Variants in KIAA0513 observed in about 807,000 individuals in gnomAD.
KIAA0513 encodes uncharacterized protein KIAA0513.
Under a neutral mutation model 56.5 loss-of-function variants are expected in KIAA0513, and 39 were observed. The ratio of observed to expected loss-of-function variants is 0.69; its 90% CI spans 0.53 to 0.90. The LOEUF (loss-of-function observed/expected upper bound fraction) is 0.90, where lower values mean the gene tolerates loss of function less well. KIAA0513 is among the 40% of genes least tolerant of loss of function. The probability of loss-of-function intolerance (pLI) is 0.00; values close to 1 mark genes in which losing one functional copy is unlikely to be tolerated. For synonymous variants in KIAA0513, 268 were observed against 215.6 expected (o/e 1.24, Z -2.13); for missense variants, 591 against 535.2 (o/e 1.10, Z -1.03).
intron 2 of KIAA0513, 51 bp from the exon 3 acceptor site, chr16:85,071,732 A>AT (rs754099611): frequency 2.2e-6 from 3 of 1,383,660 alleles, no homozygotes; most frequent in Non-Finnish European, 2.9e-6. Context: ...GCTCCAGGGG[A>AT]TTGAAAAGGG....
chr16:85,067,011 G>C lies in KIAA0513; in HGVS notation c.-61G>C. ...ACTAACGCACCTGGGACACCAGGCTGCTGGGCTCCCCTCTAGGCAGCCTCC... is the reference window on the plus strand; with the variant it reads ...ACTAACGCACCTGGGACACCAGGCTCCTGGGCTCCCCTCTAGGCAGCCTCC... On this transcript the variant is annotated 5_prime_UTR_variant, in exon 2 of 13. Coordinates refer to ENST00000683363, the MANE Select transcript of KIAA0513 (RefSeq NM_001388359.1). The C allele has an allele frequency of 7.0e-7, 1 of 1,438,562 alleles. No homozygotes were observed. The highest frequency in any genetic ancestry group is 9.3e-7 in the Non-Finnish European group (1 of 1,077,746). The allele number at this position is 1,438,562 out of a possible 1,614,324, so 89.1% of individuals were successfully genotyped here. A position where few individuals can be genotyped will look rare whatever the true frequency, so the allele number is the denominator to read the frequency against.
At chr16:85,080,992 C>T (rs1247804438) in intron 8 of KIAA0513, among the ~76,000 whole-genome samples, 2 of 152,168 alleles carry the variant, frequency 1.3e-5, no homozygotes, top group South Asian at 2.1e-4. Flanking sequence ...GAAAACGACC[C>T]ACCTCCGTGT....
intron 8 of KIAA0513, among the ~76,000 whole-genome samples, chr16:85,080,741 C>T (rs937588370): frequency 1.3e-5 from 2 of 152,100 alleles, no homozygotes; most frequent in Non-Finnish European, 2.9e-5. Context: ...TGCAGTGAGC[C>T]GAGATTGTGC....
intron 1 of KIAA0513, among the ~76,000 whole-genome samples, chr16:85,031,779 T>A (rs2072968194): frequency 1.3e-5 from 2 of 152,164 alleles, no homozygotes; most frequent in South Asian, 4.1e-4. Context: ...TCCCTAATAG[T>A]CAAAATAATG....
intron 1 of KIAA0513, among the ~76,000 whole-genome samples, chr16:85,061,913 G>A (rs968391963): frequency 5.9e-5 from 9 of 152,146 alleles, no homozygotes; most frequent in African/African-American, 2.2e-4. Flanking sequence ...TGGCTCCCCG[G>A]CCTCATTGGC....
intron 6 of KIAA0513, 145 bp from the exon 7 acceptor site, chr16:85,078,270 T>C (rs1275122930): frequency 6.7e-6 from 5 of 751,148 alleles, no homozygotes; most frequent in Non-Finnish European, 1.1e-5. Context: ...AGTTGACAAA[T>C]AGAGCCTTGA....
chr16:85,049,086 C>T (rs891252306), intron 1 of KIAA0513, among the ~76,000 whole-genome samples: 4 of 152,270 alleles, frequency 2.6e-5, no homozygotes, highest in African/African-American at 9.6e-5. Context: ...CATGTCCCCT[C>T]TGTCTTAGCT....
At chr16:85,050,244 G>A (rs145390897) in intron 1 of KIAA0513, among the ~76,000 whole-genome samples, 3 of 152,214 alleles carry the variant, frequency 2.0e-5, no homozygotes, top group Non-Finnish European at 4.4e-5. Flanking sequence ...CTTGTGTGAG[G>A]TGACTTGAGT....
chr16:85,088,220 A>C, intron 12 of KIAA0513, 56 bp from the exon 13 acceptor site: 3 of 1,510,050 alleles, frequency 2.0e-6, no homozygotes, highest in Non-Finnish European at 2.8e-6. Flanking sequence ...AGAGCAGGAT[A>C]TACCTGTCCC....
At chr16:85,051,062 T>C (rs901965712) in intron 1 of KIAA0513, among the ~76,000 whole-genome samples, 2 of 152,042 alleles carry the variant, frequency 1.3e-5, no homozygotes, top group Admixed American at 6.6e-5. Context: ...GGAGGATCAC[T>C]TGAGCCTAGG....
At chr16:85,075,569 G>T (rs1416251875) in intron 4 of KIAA0513, among the ~76,000 whole-genome samples, 1 of 152,174 alleles carries the variant, frequency 6.6e-6, no homozygotes, top group Non-Finnish European at 1.5e-5. Context: ...CTGCTCCTGG[G>T]CGTCAAGTTG....
intron 1 of KIAA0513, among the ~76,000 whole-genome samples, chr16:85,040,568 C>T (rs911448030): frequency 2.0e-5 from 3 of 152,220 alleles, no homozygotes; most frequent in East Asian, 1.9e-4. Flanking sequence ...CGCAGGTACA[C>T]GTTTGTTGCT....
intron 1 of KIAA0513, among the ~76,000 whole-genome samples, chr16:85,054,655 C>G (rs926019202): frequency 3.3e-5 from 5 of 152,020 alleles, no homozygotes; most frequent in African/African-American, 1.2e-4. Flanking sequence ...GTCTCGAACT[C>G]TTGACCTCAA....
intron 2 of KIAA0513, among the ~76,000 whole-genome samples, chr16:85,067,935 C>T (rs1399815225): frequency 2.0e-5 from 3 of 151,710 alleles, no homozygotes; most frequent in African/African-American, 4.8e-5. Context: ...CTCAGCCTCC[C>T]GAGTAGCTGG....
chr16:85,047,446 A>T (rs900685685), intron 1 of KIAA0513, among the ~76,000 whole-genome samples: 1 of 152,162 alleles, frequency 6.6e-6, no homozygotes, highest in African/African-American at 2.4e-5. Context: ...CAGCTCTGCC[A>T]CGCTTCTCCC....
At chr16:85,079,920 C>T (rs1207505905) in intron 8 of KIAA0513, among the ~76,000 whole-genome samples, 1 of 152,070 alleles carries the variant, frequency 6.6e-6, no homozygotes, top group Non-Finnish European at 1.5e-5. Context: ...GATGGTCGTG[C>T]TGCGTTAATC....
At chr16:85,042,673 GTTA>G (rs1285692047) in intron 1 of KIAA0513, among the ~76,000 whole-genome samples, 3 of 152,230 alleles carry the variant, frequency 2.0e-5, no homozygotes, top group Non-Finnish European at 4.4e-5. Flanking sequence ...GTGAGTTGTA[GTTA>G]TTATATCATT....
chr16:85,071,882 G>C lies in KIAA0513; in HGVS notation c.429G>C (p.Gln143His). The C allele has an allele frequency of 6.3e-7, 1 of 1,595,100 alleles. No individual in the cohort carries two copies. Among genetic ancestry groups the C allele is most frequent in the Non-Finnish European group, 8.6e-7 (1 of 1,163,188 alleles). Residue 143 changes from glutamine to histidine, a missense_variant and splice_region_variant, in exon 3 of 13, where the codon CAG becomes CAC. Coordinates refer to ENST00000683363, the MANE Select transcript of KIAA0513 (RefSeq NM_001388359.1). ...GGTTTGCTCGATACGTGAGTGCCCAGGTAAGGGCGAGGTGATGGGAAGGAT... is the reference window on the plus strand; with the variant it reads ...GGTTTGCTCGATACGTGAGTGCCCACGTAAGGGCGAGGTGATGGGAAGGAT... ...REWFARYVSA[Q>H]RCNSKCVSEA...
chr16:85,046,022 G>A (rs1304266470), intron 1 of KIAA0513, among the ~76,000 whole-genome samples: 8 of 152,166 alleles, frequency 5.3e-5, no homozygotes, highest in South Asian at 4.1e-4. Context: ...GGGGTGGGTC[G>A]TGCCACAGCC....
Sources: allele counts gnomAD v4.1 joint callset (sites outside exome capture counted in the v4.1 genomes callset), GRCh38; gene constraint gnomAD v4.1.1; transcripts MANE v1.5; gene names NCBI Gene and HGNC (gene_info 2026-07-23, HGNC 2026-07-21).